The following FBRSL1 variants were observed in gnomAD, a reference collection of about 807,000 sequenced individuals.
The protein encoded by FBRSL1 is fibrosin like 1.
FBRSL1 carries 51 observed loss-of-function variants against 89.6 expected under a neutral mutation model. That is an observed-to-expected ratio of 0.57 (90% CI 0.45 to 0.72). The LOEUF is 0.72. Ranked by LOEUF, FBRSL1 falls within the 30% of genes least tolerant of loss-of-function variation. The pLI, the probability that FBRSL1 is intolerant of heterozygous loss-of-function variation, is 0.00. For missense variants in FBRSL1, 1,618 were observed against 1,451.8 expected (o/e 1.11, Z -1.86); for synonymous variants, 779 against 681.1 (o/e 1.14, Z -2.24).
At chr12:132,504,258 T>A (rs1254609089) in intron 1 of FBRSL1, among the ~76,000 whole-genome samples, 1 of 152,192 alleles carries the variant, frequency 6.6e-6, no homozygotes, top group Non-Finnish European at 1.5e-5. Context: ...AGCAGGGCTC[T>A]GTGTGTGCTG....
Position 132,572,987 on chromosome 12 carries a change from C to A in FBRSL1, c.1530+365C>A, listed in dbSNP as rs531295324. On this transcript the variant is annotated intron_variant, in intron 11 of 18. Transcript: ENST00000680143. ...GCAAGGAGGTTCTTACGGGGCCATCCACACTGCGAGGAGGTTCTTACGGGG... is the reference window on the plus strand; with the variant it reads ...GCAAGGAGGTTCTTACGGGGCCATCAACACTGCGAGGAGGTTCTTACGGGG... Among the ~76,000 whole-genome samples the A allele has an allele frequency of 4.2e-3, 635 of 152,298 alleles. 3 individuals are homozygous for A. The highest frequency in any genetic ancestry group is 0.017 in the Middle Eastern group (5 of 294).
chr12:132,574,951 G>A (rs2040282817), intron 14 of FBRSL1, among the ~76,000 whole-genome samples: 1 of 151,968 alleles, frequency 6.6e-6, no homozygotes, highest in South Asian at 2.1e-4. Flanking sequence ...GTGACCCAGG[G>A]GGACCGTGAG....
In FBRSL1 at chr12:132,522,852, T is replaced by C. The variant is rs1022790223; in HGVS notation, c.490-2882T>C. Among the ~76,000 whole-genome samples the C allele has an allele frequency of 3.3e-5, 5 of 151,976 alleles. No homozygotes were observed. The East Asian group carries it at 9.7e-4, about 29-fold the overall frequency. On this transcript the variant is annotated intron_variant, in intron 2 of 18. Coordinates refer to ENST00000680143, the MANE Select transcript of FBRSL1 (RefSeq NM_001367871.1). ...GGGCCCTCCCCGGCCTGCGCTGCCT[T>C]TCCCCCCGCACCTGCCGCCTGGCAG...
In FBRSL1 at chr12:132,583,269, G is replaced by A. The variant is rs919660494; in HGVS notation, c.2500G>A (p.Ala834Thr). The change falls in exon 19 of 19, where the codon GCG becomes ACG. Residue 834 changes from alanine (A) to threonine (T), a missense_variant. Coordinates refer to ENST00000680143, the MANE Select transcript of FBRSL1 (RefSeq NM_001367871.1). ...SEPPAGGLHP[A>T]PLQLGLGRER... is the part of the protein sequence containing the mutation. The stretch of plus-strand genomic sequence containing the variant: ...GCCCCCGGCGGGCGGCCTGCACCCC[G>A]CGCCCCTGCAGCTCGGCCTGGGCCG... The A allele has an allele frequency of 3.3e-4, 427 of 1,298,390 alleles. 1 individual carries two copies. The highest frequency in any genetic ancestry group is 4.1e-4 in the Non-Finnish European group (419 of 1,023,158). The allele number at this position is 1,298,390 out of a possible 1,614,324, so 80.4% of individuals were successfully genotyped here.
At chr12:132,518,612 G>T (rs900356717) in intron 2 of FBRSL1, among the ~76,000 whole-genome samples, 1 of 126,780 alleles carries the variant, frequency 7.9e-6, no homozygotes, top group African/African-American at 3.1e-5. Flanking sequence ...CCATCCACCC[G>T]TCTATCCATG....
At chr12:132,573,099 G>A (rs528299238) in intron 11 of FBRSL1, among the ~76,000 whole-genome samples, 2 of 152,224 alleles carry the variant, frequency 1.3e-5, no homozygotes, top group Admixed American at 1.3e-4. Context: ...TGCCATCTCA[G>A]CCAGGGGAGA....
intron 1 of FBRSL1, 48 bp from the exon 2 acceptor site, chr12:132,508,104 AG>A: frequency 1.4e-6 from 2 of 1,455,004 alleles, no homozygotes; most frequent in Non-Finnish European, 1.9e-6. Context: ...CCTGGGCCCA[AG>A]GCCCTGGGGT....
chr12:132,522,091 C>T (rs2035410061), intron 2 of FBRSL1, among the ~76,000 whole-genome samples: 1 of 152,028 alleles, frequency 6.6e-6, no homozygotes, highest in African/African-American at 2.4e-5. Flanking sequence ...GTGCAGCCGG[C>T]GCGGCCCCTC....
At chr12:132,514,201 A>C (rs1348697486) in intron 2 of FBRSL1, among the ~76,000 whole-genome samples, 1 of 152,082 alleles carries the variant, frequency 6.6e-6, no homozygotes, top group Non-Finnish European at 1.5e-5. Flanking sequence ...GTGAGGGCAA[A>C]GACACAGAGG....
At chr12:132,512,220 C>T (rs904695633) in intron 2 of FBRSL1, among the ~76,000 whole-genome samples, 37 of 152,260 alleles carry the variant, frequency 2.4e-4, no homozygotes, top group Admixed American at 2.0e-3. Flanking sequence ...CGAGACCCCC[C>T]TCTCGGCTCA....
chr12:132,572,318 C>T lies in FBRSL1; in HGVS notation c.1408C>T (p.Pro470Ser), dbSNP rs2040083579. ...CAAGTATGCGCCCAAGCTGGACAGCCCCTACTTCCGACATTCCAGCGTGAG... is the reference window on the plus strand; with the variant it reads ...CAAGTATGCGCCCAAGCTGGACAGCTCCTACTTCCGACATTCCAGCGTGAG... ...FDKYAPKLDSPYFRHSSVSFF... is the reference protein window; with the variant it reads ...FDKYAPKLDSSYFRHSSVSFF... Residue 470 changes from proline (P) to serine (S), a missense_variant, in exon 10 of 19, where the codon CCC becomes TCC. Physicochemically the swap from Pro to Ser is moderately conservative, Grantham distance 74 (BLOSUM62 -1). Transcript: ENST00000680143. 1.3e-6 allele frequency: 2 copies of T among 1,551,206 alleles called. No homozygotes were observed. The highest frequency in any genetic ancestry group is 1.7e-6 in the Non-Finnish European group (2 of 1,146,758).
chr12:132,531,423 G>A (rs1046039394), intron 4 of FBRSL1, among the ~76,000 whole-genome samples: 7 of 152,096 alleles, frequency 4.6e-5, no homozygotes, highest in Non-Finnish European at 8.8e-5. Context: ...GCATGTGCGT[G>A]TGGGCAGGTC....
At chr12:132,548,827 C>A (rs956854054) in intron 5 of FBRSL1, among the ~76,000 whole-genome samples, 8 of 152,242 alleles carry the variant, frequency 5.3e-5, no homozygotes, top group Admixed American at 3.3e-4. Context: ...GGAATGGTCA[C>A]CCCGGCCTCA....
Position 132,570,491 on chromosome 12 carries a change from GC to G in FBRSL1, c.1169del (p.Pro390ArgfsTer37). 2.0e-6 allele frequency: 3 copies of G among 1,528,122 alleles called. No homozygotes were observed. The highest frequency in any genetic ancestry group is 2.5e-5 in the East Asian group (1 of 40,388). 94.7% of individuals were successfully genotyped at this position (1,528,122 alleles called of 1,614,324 possible). A position where few individuals can be genotyped will look rare whatever the true frequency, so the allele number is the denominator to read the frequency against. ...MFAAPPTLPP[P>X]PALPASSLVL... is the part of the protein sequence containing the mutation. ...TTGCCGCACCCCCGACACTGCCCCCGCCCCCGGCGCTGCCGGCCAGCAGCCT... is the reference window on the plus strand; with the variant it reads ...TTGCCGCACCCCCGACACTGCCCCCGCCCCGGCGCTGCCGGCCAGCAGCCT... On this transcript the variant is annotated frameshift_variant, in exon 8 of 19. Coordinates refer to ENST00000680143, the MANE Select transcript of FBRSL1 (RefSeq NM_001367871.1). LOFTEE classifies it high-confidence loss of function.
intron 5 of FBRSL1, chr12:132,552,746 C>G (rs1408904478): frequency 6.3e-6 from 1 of 158,772 alleles, no homozygotes; most frequent in African/African-American, 2.4e-5. Context: ...CGTGGACACT[C>G]ACCCCGCAGG....
chr12:132,583,524 G>A lies in FBRSL1; in HGVS notation c.2755G>A (p.Gly919Ser). The change falls in exon 19 of 19, where the codon GGC becomes AGC. Residue 919 changes from glycine (G) to serine (S), a missense_variant. Physicochemically the swap from Gly to Ser is moderately conservative, Grantham distance 56 (BLOSUM62 0). Coordinates refer to ENST00000680143, the MANE Select transcript of FBRSL1 (RefSeq NM_001367871.1). Reference sequence around the variant, plus strand: ...GCCGCCCGCCGCCCCCGCCTTGGACGGCGCGCTGCTGCCCTCGCTGGGAGC... The same window carrying A: ...GCCGCCCGCCGCCCCCGCCTTGGACAGCGCGCTGCTGCCCTCGCTGGGAGC... ...HLPPAAPALD[G>S]ALLPSLGALH... is the part of the protein sequence containing the mutation. 2.0e-5 allele frequency: 21 copies of A among 1,044,018 alleles called. No homozygotes were observed. Among genetic ancestry groups the A allele is most frequent in the South Asian group, 3.0e-5 (1 of 33,402 alleles). The allele number at this position is 1,044,018 out of a possible 1,614,324, so 64.7% of individuals were successfully genotyped here.
At chr12:132,524,519 C>A (rs2035623189) in intron 2 of FBRSL1, among the ~76,000 whole-genome samples, 2 of 152,378 alleles carry the variant, frequency 1.3e-5, no homozygotes, top group South Asian at 4.1e-4. Flanking sequence ...CGGCAGGGAG[C>A]CAGGCTCATG....
intron 5 of FBRSL1, among the ~76,000 whole-genome samples, chr12:132,559,682 G>A (rs922846723): frequency 1.3e-5 from 2 of 152,192 alleles, no homozygotes; most frequent in Non-Finnish European, 2.9e-5. Flanking sequence ...TTCAGGCGCC[G>A]GCCACCGCGC....
At chr12:132,544,316 G>A (rs770853949) in intron 4 of FBRSL1, among the ~76,000 whole-genome samples, 13 of 152,170 alleles carry the variant, frequency 8.5e-5, no homozygotes, top group Non-Finnish European at 1.5e-4. Flanking sequence ...GGGAGCTGCT[G>A]CCTCCTGGCT....
Sources: allele counts gnomAD v4.1 joint callset (sites outside exome capture counted in the v4.1 genomes callset), GRCh38; gene constraint gnomAD v4.1.1; transcripts MANE v1.5; gene names NCBI Gene and HGNC (gene_info 2026-07-23, HGNC 2026-07-21).